KIRREL3: variants seen among roughly 807,000 people sequenced by gnomAD.
KIRREL3 encodes kirre like nephrin family adhesion molecule 3, also known as kin of IRRE-like protein 3.
Under a neutral mutation model 89.7 loss-of-function variants are expected in KIRREL3, and 36 were observed. The ratio of observed to expected loss-of-function variants is 0.40; its 90% confidence interval spans 0.31 to 0.53. KIRREL3 has a LOEUF of 0.53. Among genes scored for constraint, KIRREL3 ranks in the 20% least tolerant of loss-of-function variants. The pLI, the probability that KIRREL3 is intolerant of heterozygous loss-of-function variation, is 0.49. For missense variants in KIRREL3, 864 were observed against 1,056.6 expected (o/e 0.82, Z 2.53); for synonymous variants, 445 against 441.4 (o/e 1.01, Z -0.10).
At chr11:126,450,957 G>A (rs1379075418) in intron 7 of KIRREL3, among the ~76,000 whole-genome samples, 2 of 151,550 alleles carry the variant, frequency 1.3e-5, no homozygotes, top group Non-Finnish European at 2.9e-5. Flanking sequence ...GTGCATGTGT[G>A]AGCGTGTGCA....
intron 1 of KIRREL3, among the ~76,000 whole-genome samples, chr11:126,832,295 G>A (rs1357439489): frequency 6.6e-6 from 1 of 152,076 alleles, no homozygotes; most frequent in Non-Finnish European, 1.5e-5. Context: ...AAGGCCAAGG[G>A]GTCAATGCAT....
At chr11:126,451,776 C>T (rs1956182754) in intron 7 of KIRREL3, among the ~76,000 whole-genome samples, 1 of 151,490 alleles carries the variant, frequency 6.6e-6, no homozygotes, top group Non-Finnish European at 1.5e-5. Flanking sequence ...AGAGAGAGTT[C>T]TCCGTTTCCC....
chr11:126,485,530 C>A lies in KIRREL3; in HGVS notation c.434-12064G>T, dbSNP rs1305993130. On this transcript the variant is annotated intron_variant, in intron 4 of 16. Transcript: ENST00000525144. This position sits in a 1 kb window ranked among gnomAD's most constrained non-coding sequence, Gnocchi z 5.8. ...GTTAATGTCATAGATATTATAGTAG[C>A]TGTTGTACAGGGCTGGTGTGCTGTT... Among the ~76,000 whole-genome samples the A allele has an allele frequency of 1.3e-5, 2 of 152,196 alleles. No individual in the cohort carries two copies. Among genetic ancestry groups the A allele is most frequent in the African/African-American group, 4.8e-5 (2 of 41,448 alleles).
rs548533024 is a variant in KIRREL3, at chr11:126,824,113, T to C, written c.55+176342A>G. Among the ~76,000 whole-genome samples the C allele has an allele frequency of 1.6e-3, 244 of 152,332 alleles. 2 individuals carry two copies. The highest frequency in any genetic ancestry group is 5.7e-3 in the African/African-American group (238 of 41,582). ...TTCATGATGATCTTTGTGAACTCTTTGGTTCAGCGTGGCTCGCCCATGGGG... is the reference window on the plus strand; with the variant it reads ...TTCATGATGATCTTTGTGAACTCTTCGGTTCAGCGTGGCTCGCCCATGGGG... On this transcript the variant is annotated intron_variant, in intron 1 of 16. Coordinates refer to ENST00000525144, the MANE Select transcript of KIRREL3 (RefSeq NM_032531.4).
At position 126,876,233 on chromosome 11, in the gene KIRREL3, A is replaced by G. The variant is rs1221211626; in HGVS notation, c.55+124222T>C. Among the ~76,000 whole-genome samples the G allele has an allele frequency of 6.6e-6, 1 of 152,216 alleles. No individual in the cohort carries two copies. Among genetic ancestry groups the G allele is most frequent in the Non-Finnish European group, 1.5e-5 (1 of 68,048 alleles). On this transcript the variant is annotated intron_variant, in intron 1 of 16. Coordinates refer to ENST00000525144, the MANE Select transcript of KIRREL3 (RefSeq NM_032531.4). The surrounding 1 kb of genome is among the most constrained non-coding windows in gnomAD (Gnocchi z 4.1). ...TGGCAAGTTCTTTTCATGGACCAAG[A>G]TTTGCTGCGGCTGACCTGCAGAGGT...
Position 126,683,914 on chromosome 11 carries a change from A to G in KIRREL3, c.56-121002T>C, listed in dbSNP as rs1946567847. On this transcript the variant is annotated intron_variant, in intron 1 of 16. Coordinates refer to ENST00000525144, the MANE Select transcript of KIRREL3 (RefSeq NM_032531.4). This position sits in a 1 kb window ranked among gnomAD's most constrained non-coding sequence, Gnocchi z 5.2. ...CGGGGTCACTGAGTCACTCCTGCCCAGGTCCCCCTTCAGGGACTGTCGTGG... is the reference window on the plus strand; with the variant it reads ...CGGGGTCACTGAGTCACTCCTGCCCGGGTCCCCCTTCAGGGACTGTCGTGG... Among the ~76,000 whole-genome samples, 2 of 152,202 alleles carry G rather than the reference A, an allele frequency of 1.3e-5. No homozygotes were observed. The highest frequency in any genetic ancestry group is 1.3e-4 in the Admixed American group (2 of 15,288).
chr11:126,450,619 G>A (rs578066970), intron 7 of KIRREL3, among the ~76,000 whole-genome samples: 6 of 151,348 alleles, frequency 4.0e-5, no homozygotes, highest in South Asian at 2.1e-4. Flanking sequence ...CGGCGTGTGC[G>A]AGCATGTGCA....
rs566525424 is a variant in KIRREL3, at chr11:126,822,352, T to C, written c.55+178103A>G. Among the ~76,000 whole-genome samples the C allele has an allele frequency of 4.6e-5, 7 of 152,304 alleles. No homozygotes were observed. The South Asian group carries it at 1.5e-3, about 32-fold the overall frequency. The stretch of plus-strand genomic sequence containing the variant: ...ATAACTATGCTTATTATTTGTTGTA[T>C]GGGAAGGAGAAGGAGCCTTGGTGAG... On this transcript the variant is annotated intron_variant, in intron 1 of 16. Transcript: ENST00000525144.
At chr11:126,775,919 C>T (rs1950156564) in intron 1 of KIRREL3, among the ~76,000 whole-genome samples, 1 of 152,142 alleles carries the variant, frequency 6.6e-6, no homozygotes, top group Non-Finnish European at 1.5e-5. Context: ...AAAGAGGCTG[C>T]CTTGAGACCT....
At position 126,601,276 on chromosome 11, in the gene KIRREL3, A is replaced by T. The variant is rs539232393; in HGVS notation, c.56-38364T>A. 2.0e-5 allele frequency among the ~76,000 whole-genome samples: 3 copies of T among 152,320 alleles called. No individual in the cohort carries two copies. The South Asian group carries it at 6.2e-4, about 32-fold the overall frequency. On this transcript the variant is annotated intron_variant, in intron 1 of 16. Coordinates refer to ENST00000525144, the MANE Select transcript of KIRREL3 (RefSeq NM_032531.4). The surrounding 1 kb of genome is among the most constrained non-coding windows in gnomAD (Gnocchi z 5.8). The stretch of plus-strand genomic sequence containing the variant: ...AATTTTAAAACCCTCCAGAACAAGG[A>T]TCAGAAAACAACTGGCAGAGAGACT...
chr11:126,433,753 T>C (rs767006856), intron 13 of KIRREL3, among the ~76,000 whole-genome samples: 7 of 152,214 alleles, frequency 4.6e-5, no homozygotes, highest in Non-Finnish European at 1.0e-4. Flanking sequence ...TGCTTTTGAA[T>C]TGGATTGATT....
intron 1 of KIRREL3, among the ~76,000 whole-genome samples, chr11:126,580,767 G>C (rs1480562056): frequency 6.6e-6 from 1 of 151,778 alleles, no homozygotes; most frequent in Non-Finnish European, 1.5e-5. Flanking sequence ...ACTTGCCCTG[G>C]ACTCTGTCTG....
chr11:126,638,293 A>G (rs1465388275), intron 1 of KIRREL3, among the ~76,000 whole-genome samples: 1 of 152,212 alleles, frequency 6.6e-6, no homozygotes, highest in South Asian at 2.1e-4. Context: ...TTCTTAAAGA[A>G]TCTAAATCTC....
chr11:126,926,269 G>A (rs928991476), intron 1 of KIRREL3, among the ~76,000 whole-genome samples: 2 of 152,220 alleles, frequency 1.3e-5, no homozygotes, highest in Non-Finnish European at 2.9e-5. Flanking sequence ...TCTGTGCAGC[G>A]ATTCAGTTCC....
intron 4 of KIRREL3, among the ~76,000 whole-genome samples, chr11:126,507,300 A>C (rs1420891648): frequency 6.6e-6 from 1 of 152,180 alleles, no homozygotes; most frequent in Non-Finnish European, 1.5e-5. Context: ...AATTTATTAA[A>C]AATAATTGAG....
Position 126,879,724 on chromosome 11 carries a change from T to C in KIRREL3, c.55+120731A>G, listed in dbSNP as rs185383951. Among the ~76,000 whole-genome samples the C allele has an allele frequency of 6.6e-6, 1 of 152,188 alleles. No individual in the cohort carries two copies. The highest frequency in any genetic ancestry group is 1.5e-5 in the Non-Finnish European group (1 of 68,042). On this transcript the variant is annotated intron_variant, in intron 1 of 16. Coordinates refer to ENST00000525144, the MANE Select transcript of KIRREL3 (RefSeq NM_032531.4). The surrounding 1 kb of genome is among the most constrained non-coding windows in gnomAD (Gnocchi z 5.4). ...CATTTAACCTTTGCACATTTCTGAG[T>C]GGGTCATCTGAGAGAATTATCCTTT...
chr11:126,702,170 A>G (rs1467589256), intron 1 of KIRREL3, among the ~76,000 whole-genome samples: 1 of 152,176 alleles, frequency 6.6e-6, no homozygotes, highest in East Asian at 1.9e-4. Context: ...AACGGGAGCA[A>G]ATCATCTCTA....
chr11:126,749,276 T>C (rs1259948278), intron 1 of KIRREL3, among the ~76,000 whole-genome samples: 3 of 152,200 alleles, frequency 2.0e-5, no homozygotes, highest in East Asian at 3.8e-4. Flanking sequence ...CTCAACTATA[T>C]AAATTTGACT....
At chr11:126,446,716 GC>G in intron 9 of KIRREL3, 42 bp downstream of exon 9, 2 of 1,569,362 alleles carry the variant, frequency 1.3e-6, no homozygotes, top group Non-Finnish European at 1.7e-6. Context: ...CACTGTCCCC[GC>G]CCCCTGCCAG....
Sources: gnomAD v4.1 joint callset for allele counts (sites outside exome capture counted in the v4.1 genomes callset) on GRCh38, gnomAD v4.1.1 for gene constraint, Gnocchi (gnomAD v3.1) non-coding constraint, MANE v1.5 for transcripts, NCBI Gene and HGNC (gene_info 2026-07-23, HGNC 2026-07-21) for gene names.